TBC1D7: variants seen among roughly 807,000 people sequenced by gnomAD.
The protein encoded by TBC1D7 is TBC domain family 7.
TBC1D7 carries 33 observed loss-of-function variants against 35.3 expected under a neutral mutation model. The ratio of observed to expected loss-of-function variants is 0.93; its 90% confidence interval spans 0.71 to 1.25. The LOEUF is 1.25. Among genes scored for constraint, TBC1D7 ranks in the 50% most tolerant of loss-of-function variants. The pLI is 0.00. For missense variants in TBC1D7, 362 were observed against 365.3 expected, an observed-to-expected ratio of 0.99 and a Z score of 0.07; for synonymous variants, 135 against 129.5, an observed-to-expected ratio of 1.04 and a Z score of -0.29.
chr6:13,305,002 C>A lies in TBC1D7; in HGVS notation c.*99G>T. ...AAAAAAACCACTTTGAGCACCAAAG[C>A]AAGAAAAGTGTATTATTCAATCAGT... is the stretch of plus-strand genomic sequence containing the variant. On this transcript the variant is annotated 3_prime_UTR_variant, in exon 8 of 8. Transcript: ENST00000379300. 9.7e-7 allele frequency: 1 copy of A among 1,028,220 alleles called. No individual in the cohort carries two copies. The highest frequency in any genetic ancestry group is 1.4e-6 in the Non-Finnish European group (1 of 716,338). 63.7% of individuals were successfully genotyped at this position (1,028,220 alleles called of 1,614,324 possible). A position where few individuals can be genotyped will look rare whatever the true frequency, so the allele number is the denominator to read the frequency against.
chr6:13,310,295 G>A (rs1783101844), intron 5 of TBC1D7, among the ~76,000 whole-genome samples: 1 of 152,174 alleles, frequency 6.6e-6, no homozygotes, highest in African/African-American at 2.4e-5. Context: ...ATAAAGACAG[G>A]TTGAATAAAC....
chr6:13,327,935 G>T (rs949395532), intron 1 of TBC1D7: 1 of 152,178 alleles, frequency 6.6e-6, no homozygotes, highest in African/African-American at 2.4e-5. Flanking sequence ...TTATTGAAAA[G>T]ATATCCTCTG....
intron 5 of TBC1D7, among the ~76,000 whole-genome samples, chr6:13,316,230 C>T (rs1450427523): frequency 6.6e-6 from 1 of 152,218 alleles, no homozygotes; most frequent in Non-Finnish European, 1.5e-5. Flanking sequence ...AGGGATTACT[C>T]TAGACCAGCG....
intron 3 of TBC1D7, among the ~76,000 whole-genome samples, chr6:13,324,112 GT>G (rs924875532): frequency 6.7e-6 from 1 of 149,846 alleles, no homozygotes; most frequent in African/African-American, 2.5e-5. Flanking sequence ...CAAACTGTAA[GT>G]TTTTTTTTGT....
Position 13,320,960 on chromosome 6 carries a change from C to G in TBC1D7, c.329G>C (p.Arg110Pro). 1 of 1,614,158 alleles carries G rather than the reference C, an allele frequency of 6.2e-7. No individual in the cohort carries two copies. Among genetic ancestry groups the G allele is most frequent in the Non-Finnish European group, 8.5e-7 (1 of 1,180,030 alleles). ...DATPQAEVYL[R>P]MYQLESGKLP... Reference sequence around the variant, plus strand: ...CTTCCCAGACTCCAGCTGATACATGCGGAGATAGACTTCAGCCTGAGGTGT... The same window carrying G: ...CTTCCCAGACTCCAGCTGATACATGGGGAGATAGACTTCAGCCTGAGGTGT... The change falls in exon 4 of 8, where the codon CGC becomes CCC. Residue 110 changes from arginine (R) to proline (P), a missense_variant. Physicochemically the swap from Arg to Pro is moderately radical, Grantham distance 103. Coordinates refer to ENST00000379300, the MANE Select transcript of TBC1D7 (RefSeq NM_016495.6).
Position 13,320,919 on chromosome 6 carries a change from A to T in TBC1D7, c.370T>A (p.Ser124Thr), listed in dbSNP as rs1783992248. The change falls in exon 4 of 8, where the codon TCT becomes ACT. Residue 124 changes from serine (S) to threonine (T), a missense_variant. Coordinates refer to ENST00000379300, the MANE Select transcript of TBC1D7 (RefSeq NM_016495.6). ...AAGTGACCACTAACCAGTGGAAAAG[A>T]GGGACTTCGAGGTAACTTCCCAGAC... ...LESGKLPRSPSFPLEPDDEVF... is the reference protein window; with the variant it reads ...LESGKLPRSPTFPLEPDDEVF... The T allele has an allele frequency of 5.6e-6, 9 of 1,614,016 alleles. No homozygotes were observed. The highest frequency in any genetic ancestry group is 7.6e-6 in the Non-Finnish European group (9 of 1,180,034).
intron 4 of TBC1D7, 197 bp downstream of exon 4, chr6:13,320,711 T>C: frequency 1.5e-6 from 1 of 685,864 alleles, no homozygotes; most frequent in South Asian, 1.6e-5. Context: ...ATAAAACGTA[T>C]TTTAAAAAAA....
intron 5 of TBC1D7, among the ~76,000 whole-genome samples, chr6:13,315,222 C>T (rs1323278692): frequency 1.3e-5 from 2 of 152,212 alleles, no homozygotes; most frequent in Non-Finnish European, 2.9e-5. Context: ...CCTCTGCCAA[C>T]CCCTGAGACA....
At chr6:13,315,978 T>C (rs531677306) in intron 5 of TBC1D7, among the ~76,000 whole-genome samples, 5 of 152,328 alleles carry the variant, frequency 3.3e-5, no homozygotes, top group Admixed American at 3.3e-4. Flanking sequence ...TCCTTTGTGT[T>C]TACCTTTGCC....
chr6:13,323,956 C>T (rs1784229885), intron 3 of TBC1D7, among the ~76,000 whole-genome samples: 1 of 152,172 alleles, frequency 6.6e-6, no homozygotes, highest in African/African-American at 2.4e-5. Context: ...GATACCAATA[C>T]CTGCCTCACA....
rs1340184860 is a variant in TBC1D7, at chr6:13,306,395, T to TA, written c.795+2dup. 1.9e-6 allele frequency: 3 copies of TA among 1,582,204 alleles called. No homozygotes were observed. Among genetic ancestry groups the TA allele is most frequent in the South Asian group, 2.4e-5 (2 of 83,782 alleles). On this transcript the variant is annotated splice_region_variant and intron_variant, in intron 7 of 7. Transcript: ENST00000379300. ...ATTCAAAATCAAATCAAAGCACACT[T>TA]ACATTTTCCAGAAACTTTGTTATCT...
chr6:13,306,371 T>C (rs1340490476), intron 7 of TBC1D7, 27 bp downstream of exon 7: 1 of 1,572,070 alleles, frequency 6.4e-7, no homozygotes, highest in Admixed American at 2.0e-5. Flanking sequence ...CATTTCCAGA[T>C]TCAAAATCAA....
intron 5 of TBC1D7, among the ~76,000 whole-genome samples, chr6:13,310,952 T>C (rs1783169136): frequency 1.3e-5 from 2 of 152,222 alleles, no homozygotes; most frequent in African/African-American, 4.8e-5. Context: ...TGTGATTTAT[T>C]ATAACCATAA....
At chr6:13,310,523 A>G (rs1034368860) in intron 5 of TBC1D7, among the ~76,000 whole-genome samples, 3 of 152,038 alleles carry the variant, frequency 2.0e-5, no homozygotes, top group Admixed American at 2.0e-4. Flanking sequence ...CGGTGATCCC[A>G]GCTACTTGGG....
intron 1 of TBC1D7, chr6:13,327,831 AC>A (rs1466256517): frequency 6.6e-6 from 1 of 152,220 alleles, no homozygotes; most frequent in Non-Finnish European, 1.5e-5. Context: ...GCACTGCCTC[AC>A]CCAAATGCTT....
chr6:13,308,781 G>A (rs1213395496), intron 5 of TBC1D7, among the ~76,000 whole-genome samples: 1 of 147,402 alleles, frequency 6.8e-6, no homozygotes, highest in African/African-American at 2.5e-5. Context: ...AATGAATGGA[G>A]TGAAAGGTAA....
intron 5 of TBC1D7, among the ~76,000 whole-genome samples, chr6:13,310,622 A>G (rs1783128737): frequency 6.9e-6 from 1 of 144,958 alleles, no homozygotes; most frequent in African/African-American, 2.6e-5. Flanking sequence ...TGGGTGACAG[A>G]GCGAGACTCC....
At chr6:13,320,080 A>G (rs556264201) in intron 4 of TBC1D7, 2 of 152,420 alleles carry the variant, frequency 1.3e-5, no homozygotes, top group South Asian at 4.1e-4. Context: ...AGGAAACACC[A>G]GACAAACCTA....
intron 5 of TBC1D7, among the ~76,000 whole-genome samples, chr6:13,313,132 T>C (rs900651607): frequency 1.3e-5 from 2 of 152,164 alleles, no homozygotes; most frequent in Non-Finnish European, 2.9e-5. Flanking sequence ...TATTTGCAAG[T>C]CCCATTTTAT....
Sources: allele counts gnomAD v4.1 joint callset (sites outside exome capture counted in the v4.1 genomes callset), GRCh38; gene constraint gnomAD v4.1.1; transcripts MANE v1.5; gene names NCBI Gene and HGNC (gene_info 2026-07-23, HGNC 2026-07-21).